CDIN1: variants seen among roughly 807,000 people sequenced by gnomAD.
CDIN1 encodes the protein CDAN1 interacting nuclease 1, also known as CDAN1-interacting nuclease 1.
A neutral mutation model predicts 45.3 loss-of-function variants in CDIN1; 33 were observed. The ratio of observed to expected loss-of-function variants is 0.73; its 90% CI spans 0.55 to 0.97. CDIN1 has a LOEUF of 0.97. Among genes scored for constraint, CDIN1 ranks in the 50% least tolerant of loss-of-function variants. The probability of loss-of-function intolerance (pLI) is 0.00; values close to 1 mark genes in which losing one functional copy is unlikely to be tolerated. For missense variants in CDIN1, 303 were observed against 339.4 expected (o/e 0.89, Z 0.84); for synonymous variants, 118 against 124.4 (o/e 0.95, Z 0.34).
chr15:36,608,330 A>G (rs2038477522), intron 1 of CDIN1, among the ~76,000 whole-genome samples: 1 of 152,184 alleles, frequency 6.6e-6, no homozygotes. Flanking sequence ...ATCATCAATA[A>G]CACTTGTGTA....
intron 10 of CDIN1, among the ~76,000 whole-genome samples, chr15:36,712,731 A>C (rs531555088): frequency 6.6e-6 from 1 of 152,230 alleles, no homozygotes; most frequent in South Asian, 2.1e-4. Flanking sequence ...CATCTTCCCC[A>C]AAATCAGTGC....
chr15:36,775,455 A>G lies in CDIN1; in HGVS notation c.717-32869A>G, dbSNP rs148039327. ...CCAGGAGGTCAGAGGCCTAGAGTCT[A>G]CATCTTGGTTAGATCTTACCCGTGT... On this transcript the variant is annotated intron_variant, in intron 10 of 10. Transcript: ENST00000566621. 2.0e-3 allele frequency among the ~76,000 whole-genome samples: 305 copies of G among 152,348 alleles called. 1 individual carries two copies. The highest frequency in any genetic ancestry group is 6.7e-3 in the African/African-American group (277 of 41,578).
At chr15:36,770,652 G>T (rs1210815489) in intron 10 of CDIN1, among the ~76,000 whole-genome samples, 2 of 151,940 alleles carry the variant, frequency 1.3e-5, no homozygotes, top group Non-Finnish European at 2.9e-5. Context: ...GTTTCACCAT[G>T]TTGGCCAGGC....
intron 10 of CDIN1, among the ~76,000 whole-genome samples, chr15:36,742,785 T>C (rs1229137319): frequency 1.3e-5 from 2 of 152,194 alleles, no homozygotes; most frequent in Non-Finnish European, 2.9e-5. Flanking sequence ...GGTACAGGGG[T>C]AGGCAATAAA....
chr15:36,793,154 C>T (rs1284749340), intron 10 of CDIN1, among the ~76,000 whole-genome samples: 2 of 152,134 alleles, frequency 1.3e-5, no homozygotes, highest in African/African-American at 2.4e-5. Flanking sequence ...ACCCCAGGGC[C>T]TTCTGCATAG....
Position 36,613,596 on chromosome 15 carries a change from G to A in CDIN1, c.102-30682G>A, listed in dbSNP as rs1375763104. On this transcript the variant is annotated intron_variant, in intron 1 of 10. Coordinates refer to ENST00000566621, the MANE Select transcript of CDIN1 (RefSeq NM_001321759.2). ...GAAGTTGAGGGAGAAAGGCGGGCCC[G>A]GGAACAGGCTGAGGCTGAGGTGGCC... is the stretch of plus-strand genomic sequence containing the variant. 4.8e-5 allele frequency: 71 copies of A among 1,467,082 alleles called. No homozygotes were observed. In the South Asian group the frequency reaches 6.2e-4, roughly 13 times the overall value. The allele number at this position is 1,467,082 out of a possible 1,614,324, so 90.9% of individuals were successfully genotyped here. A position where few individuals can be genotyped will look rare whatever the true frequency, so the allele number is the denominator to read the frequency against.
chr15:36,640,124 A>T (rs990561717), intron 1 of CDIN1, among the ~76,000 whole-genome samples: 1 of 152,182 alleles, frequency 6.6e-6, no homozygotes, highest in African/African-American at 2.4e-5. Flanking sequence ...TTCCTAAAAA[A>T]TAAGCAAAGT....
At chr15:36,647,635 T>A (rs1048454828) in intron 3 of CDIN1, 1 of 152,206 alleles carries the variant, frequency 6.6e-6, no homozygotes, top group Non-Finnish European at 1.5e-5. Flanking sequence ...AATGTGCAGG[T>A]CAAATGTTCC....
intron 1 of CDIN1, among the ~76,000 whole-genome samples, chr15:36,603,241 A>G (rs1226203645): frequency 6.6e-6 from 1 of 152,186 alleles, no homozygotes; most frequent in Admixed American, 6.5e-5. Context: ...GACTACTCAG[A>G]AGCTAAAGAC....
At chr15:36,807,294 A>G (rs1258292877) in intron 10 of CDIN1, among the ~76,000 whole-genome samples, 1 of 152,222 alleles carries the variant, frequency 6.6e-6, no homozygotes, top group Non-Finnish European at 1.5e-5. Context: ...AGCCTGCTGT[A>G]ATGTTAGAAT....
chr15:36,780,070 TCAATTTCCTGTGCA>T, intron 10 of CDIN1, among the ~76,000 whole-genome samples: 1 of 125,696 alleles, frequency 8.0e-6, no homozygotes, highest in African/African-American at 6.0e-5. Context: ...AGAGTGAGTC[TCAATTTCCTGTGCA>T]CTGAAGCACC....
chr15:36,604,370 C>T (rs2038253409), intron 1 of CDIN1, among the ~76,000 whole-genome samples: 1 of 138,210 alleles, frequency 7.2e-6, no homozygotes, highest in Admixed American at 7.5e-5. Flanking sequence ...AACAGCAAAC[C>T]CAAAAAAATT....
chr15:36,770,315 A>C (rs1680125908), intron 10 of CDIN1, among the ~76,000 whole-genome samples: 1 of 151,602 alleles, frequency 6.6e-6, no homozygotes, highest in South Asian at 2.1e-4. Flanking sequence ...GAGGGAGGAA[A>C]GCAAAAAAAA....
intron 1 of CDIN1, among the ~76,000 whole-genome samples, chr15:36,602,240 A>C (rs1286886112): frequency 6.6e-6 from 1 of 152,194 alleles, no homozygotes; most frequent in Non-Finnish European, 1.5e-5. Flanking sequence ...AACTCTTCTA[A>C]TGTCCTCCAA....
chr15:36,803,589 T>C (rs1208060647), intron 10 of CDIN1, among the ~76,000 whole-genome samples: 2 of 152,218 alleles, frequency 1.3e-5, no homozygotes, highest in East Asian at 3.9e-4. Flanking sequence ...GCTCACTCCA[T>C]GTTTTTGAAA....
intron 10 of CDIN1, among the ~76,000 whole-genome samples, chr15:36,787,185 G>A (rs2054513514): frequency 6.6e-6 from 1 of 151,992 alleles, no homozygotes; most frequent in South Asian, 2.1e-4. Context: ...TGAGTTCTAG[G>A]GAAGCCCTGA....
In CDIN1 at chr15:36,741,939, G is replaced by A. The variant is rs1311040178; in HGVS notation, c.716+31978G>A. 3.9e-5 allele frequency among the ~76,000 whole-genome samples: 6 copies of A among 152,230 alleles called. No individual in the cohort carries two copies. The East Asian group carries it at 5.8e-4, about 15-fold the overall frequency. On this transcript the variant is annotated intron_variant, in intron 10 of 10. Transcript: ENST00000566621. ...AGGAAAGAACTTTGTGGAGTAAAAC[G>A]AGGGCTGTCTCCGTGGTTTGGGTTT...
chr15:36,764,215 T>G (rs7497120), intron 10 of CDIN1, among the ~76,000 whole-genome samples: 1 of 5,018 alleles, frequency 2.0e-4, no homozygotes, highest in Non-Finnish European at 0.012. Context: ...GTGGTTTTGG[T>G]TTTTTTTTTT....
At chr15:36,704,332 C>T (rs1177913981) in intron 8 of CDIN1, 1 of 152,098 alleles carries the variant, frequency 6.6e-6, no homozygotes, top group Non-Finnish European at 1.5e-5. Flanking sequence ...AAACTAACGG[C>T]TATAATGAAG....
Sources: gnomAD v4.1 joint callset for allele counts (sites outside exome capture counted in the v4.1 genomes callset) on GRCh38, gnomAD v4.1.1 for gene constraint, MANE v1.5 for transcripts, NCBI Gene and HGNC (gene_info 2026-07-23, HGNC 2026-07-21) for gene names.